The following LSAMP variants were observed in gnomAD, a reference collection of about 807,000 sequenced individuals.
LSAMP encodes limbic system associated membrane protein, also known as limbic system-associated membrane protein.
Under a neutral mutation model 38.6 loss-of-function variants are expected in LSAMP, and 7 were observed. That is an observed-to-expected ratio of 0.18 (90% CI 0.10 to 0.34). LSAMP has a LOEUF of 0.34. LSAMP is among the 10% of genes least tolerant of loss of function. The pLI, the probability that LSAMP is intolerant of heterozygous loss-of-function variation, is 1.00. For synonymous variants in LSAMP, 154 were observed against 166.8 expected, an observed-to-expected ratio of 0.92 and a Z score of 0.59; for missense variants, 313 against 420.0, an observed-to-expected ratio of 0.75 and a Z score of 2.23.
At chr3:116,099,397 T>C (rs1264334422) in intron 1 of LSAMP, among the ~76,000 whole-genome samples, 6 of 152,186 alleles carry the variant, frequency 3.9e-5, no homozygotes. Context: ...AAGTGGAGAT[T>C]AATAAAGTGT....
chr3:115,844,714 T>C (rs1481270762), intron 4 of LSAMP, among the ~76,000 whole-genome samples: 2 of 152,188 alleles, frequency 1.3e-5, no homozygotes, highest in African/African-American at 4.8e-5. Context: ...TGATGGCTCA[T>C]GCCTCTAATC....
intron 4 of LSAMP, among the ~76,000 whole-genome samples, chr3:115,852,276 G>A (rs917750553): frequency 3.3e-5 from 5 of 152,212 alleles, no homozygotes; most frequent in African/African-American, 1.2e-4. Flanking sequence ...ACTGTTAAAT[G>A]TATTATGGAT....
intron 1 of LSAMP, among the ~76,000 whole-genome samples, chr3:116,333,675 T>C (rs897133034): frequency 3.3e-5 from 5 of 151,590 alleles, no homozygotes; most frequent in African/African-American, 4.8e-5. Flanking sequence ...AATCAATAGA[T>C]TGAGGAAGAA....
intron 4 of LSAMP, among the ~76,000 whole-genome samples, chr3:115,847,777 C>T (rs548609150): frequency 6.6e-6 from 1 of 152,324 alleles, no homozygotes; most frequent in East Asian, 1.9e-4. Flanking sequence ...CCTCCCCAGC[C>T]ATGTGGAACT....
intron 1 of LSAMP, among the ~76,000 whole-genome samples, chr3:116,226,007 CA>C (rs2046338167): frequency 2.0e-5 from 3 of 152,238 alleles, no homozygotes; most frequent in South Asian, 4.1e-4. Flanking sequence ...TTTTCAAAAT[CA>C]AATTGAAAGC....
intron 3 of LSAMP, among the ~76,000 whole-genome samples, chr3:115,981,994 A>G (rs2107628397): frequency 6.6e-6 from 1 of 152,316 alleles, no homozygotes; most frequent in African/African-American, 2.4e-5. Flanking sequence ...TCCAAAGTGC[A>G]CCCATCTTAA....
chr3:115,866,589 A>G (rs1248803503), intron 3 of LSAMP, among the ~76,000 whole-genome samples: 1 of 152,138 alleles, frequency 6.6e-6, no homozygotes, highest in East Asian at 1.9e-4. Flanking sequence ...TTGGAAGATC[A>G]TTAAGAGTAA....
At chr3:116,342,386 TA>T (rs1331557352) in intron 1 of LSAMP, among the ~76,000 whole-genome samples, 4 of 151,994 alleles carry the variant, frequency 2.6e-5, no homozygotes, top group African/African-American at 9.7e-5. Flanking sequence ...CTCTTCTAAG[TA>T]AAACAATAAA....
chr3:116,146,176 G>C (rs1399622952), intron 1 of LSAMP, among the ~76,000 whole-genome samples: 2 of 151,772 alleles, frequency 1.3e-5, no homozygotes, highest in African/African-American at 4.8e-5. Context: ...ATTCAGTAGT[G>C]ACTCTTCCTG....
intron 1 of LSAMP, among the ~76,000 whole-genome samples, chr3:116,382,277 G>C (rs1434126387): frequency 6.6e-6 from 1 of 152,012 alleles, no homozygotes; most frequent in Non-Finnish European, 1.5e-5. Flanking sequence ...ATGGTAGACT[G>C]GATTAAGAAA....
At chr3:116,117,533 A>G (rs2107481873) in intron 1 of LSAMP, among the ~76,000 whole-genome samples, 1 of 152,234 alleles carries the variant, frequency 6.6e-6, no homozygotes, top group African/African-American at 2.4e-5. Context: ...TTTTCATAAT[A>G]TTTTACCTAA....
chr3:116,356,078 A>G (rs887978441), intron 1 of LSAMP, among the ~76,000 whole-genome samples: 31 of 152,070 alleles, frequency 2.0e-4, no homozygotes, highest in Non-Finnish European at 4.6e-4. Flanking sequence ...ACTGCTAGCT[A>G]TATACCCAAA....
chr3:116,086,664 A>G, intron 1 of LSAMP, 108 bp from the exon 2 acceptor site: 1 of 798,058 alleles, frequency 1.3e-6, no homozygotes, highest in African/African-American at 1.7e-5. Context: ...AATTATATGC[A>G]GAATGAATTA....
At chr3:116,432,127 C>T (rs1025227105) in intron 1 of LSAMP, among the ~76,000 whole-genome samples, 1 of 151,746 alleles carries the variant, frequency 6.6e-6, no homozygotes, top group African/African-American at 2.4e-5. Context: ...TGTGATGCCT[C>T]TTATATATCG....
At chr3:116,104,768 CT>C (rs1708424744) in intron 1 of LSAMP, among the ~76,000 whole-genome samples, 1 of 152,272 alleles carries the variant, frequency 6.6e-6, no homozygotes, top group South Asian at 2.1e-4. Flanking sequence ...ACTAAGTCTG[CT>C]CACTCTACCT....
intron 1 of LSAMP, chr3:116,368,313 A>C (rs950524968): frequency 1.3e-5 from 2 of 152,202 alleles, no homozygotes; most frequent in African/African-American, 4.8e-5. Flanking sequence ...ATTTGCCACA[A>C]GTCAGGCAGG....
intron 1 of LSAMP, among the ~76,000 whole-genome samples, chr3:116,419,463 T>G (rs1243142981): frequency 6.6e-6 from 1 of 152,176 alleles, no homozygotes; most frequent in Admixed American, 6.5e-5. Context: ...GTTTCAGAAT[T>G]GTTTAAATTT....
intron 1 of LSAMP, among the ~76,000 whole-genome samples, chr3:116,308,473 T>A (rs1437547467): frequency 6.6e-6 from 1 of 152,052 alleles, no homozygotes; most frequent in East Asian, 1.9e-4. Flanking sequence ...GCAAGGTAAA[T>A]TCTGTGAATG....
At chr3:116,063,040 C>T (rs778473399) in intron 2 of LSAMP, among the ~76,000 whole-genome samples, 4 of 152,010 alleles carry the variant, frequency 2.6e-5, no homozygotes, top group Admixed American at 2.0e-4. Context: ...TCTTATACTG[C>T]TTATAAATTG....
Sources: allele counts gnomAD v4.1 joint callset (sites outside exome capture counted in the v4.1 genomes callset), GRCh38; gene constraint gnomAD v4.1.1; transcripts MANE v1.5; gene names NCBI Gene and HGNC (gene_info 2026-07-23, HGNC 2026-07-21).